GRM7: variants seen among roughly 807,000 people sequenced by gnomAD.
GRM7 encodes the protein metabotropic glutamate receptor 7.
Under a neutral mutation model 84.5 loss-of-function variants are expected in GRM7, and 35 were observed. The observed-to-expected ratio is 0.41, with a 90% CI of 0.32 to 0.55. GRM7 has a LOEUF of 0.55. Among genes scored for constraint, GRM7 ranks in the 20% least tolerant of loss-of-function variants. GRM7 has a pLI of 0.19. For synonymous variants in GRM7, 487 were observed against 455.1 expected (o/e 1.07, Z -0.89); for missense variants, 1,003 against 1,194.6 (o/e 0.84, Z 2.36).
chr3:7,402,186 G>A (rs958182812), intron 4 of GRM7, among the ~76,000 whole-genome samples: 2 of 152,154 alleles, frequency 1.3e-5, no homozygotes, highest in African/African-American at 4.8e-5. Context: ...TGGTTGACAG[G>A]AATTGGTTAT....
At chr3:7,161,520 G>A (rs1217886475) in intron 2 of GRM7, among the ~76,000 whole-genome samples, 1 of 151,258 alleles carries the variant, frequency 6.6e-6, no homozygotes, top group Non-Finnish European at 1.5e-5. Context: ...TCCTTCCTTA[G>A]AAGGCTTTTT....
chr3:7,568,927 C>T (rs1379322121), intron 7 of GRM7, among the ~76,000 whole-genome samples: 10 of 152,148 alleles, frequency 6.6e-5, no homozygotes, highest in Non-Finnish European at 1.5e-4. Context: ...GCGCCGCCCC[C>T]TGCTCCACCG....
chr3:7,437,991 A>G (rs1245103227), intron 5 of GRM7, among the ~76,000 whole-genome samples: 2 of 152,156 alleles, frequency 1.3e-5, no homozygotes, highest in African/African-American at 2.4e-5. Flanking sequence ...GTCACAGAAC[A>G]TTAAATATAA....
At chr3:7,210,224 C>T (rs1302257304) in intron 2 of GRM7, among the ~76,000 whole-genome samples, 2 of 152,148 alleles carry the variant, frequency 1.3e-5, no homozygotes, top group Non-Finnish European at 2.9e-5. Flanking sequence ...ATTTGTTGCA[C>T]AAAGCTGGCA....
intron 1 of GRM7, among the ~76,000 whole-genome samples, chr3:7,015,004 G>A (rs1198880123): frequency 6.6e-6 from 1 of 152,116 alleles, no homozygotes; most frequent in Non-Finnish European, 1.5e-5. Flanking sequence ...TGTGTAAAAT[G>A]GACCAATCAG....
At chr3:7,342,463 T>G (rs1692687378) in intron 4 of GRM7, among the ~76,000 whole-genome samples, 1 of 152,150 alleles carries the variant, frequency 6.6e-6, no homozygotes, top group African/African-American at 2.4e-5. Flanking sequence ...TAGATTTGGC[T>G]TCAGAGTTCC....
chr3:6,982,521 A>T (rs1251442724), intron 1 of GRM7, among the ~76,000 whole-genome samples: 1 of 152,184 alleles, frequency 6.6e-6, no homozygotes, highest in African/African-American at 2.4e-5. Flanking sequence ...AGTTGCCTTT[A>T]AAGCATACAG....
chr3:7,392,157 T>C lies in GRM7; in HGVS notation c.1034-22866T>C, dbSNP rs150176107. On this transcript the variant is annotated intron_variant, in intron 4 of 9. Coordinates refer to ENST00000357716, the MANE Select transcript of GRM7 (RefSeq NM_000844.4). ...AAGTGGACTGTGCTTCCCTTCTGCC[T>C]CTCAGACCTGGTGGGCACTGTCCCC... Among the ~76,000 whole-genome samples the C allele has an allele frequency of 8.5e-4, 129 of 152,226 alleles. 1 individual carries two copies. Among genetic ancestry groups the C allele is most frequent in the African/African-American group, 3.0e-3 (125 of 41,540 alleles).
At chr3:7,373,176 C>G (rs1198513180) in intron 4 of GRM7, among the ~76,000 whole-genome samples, 3 of 152,078 alleles carry the variant, frequency 2.0e-5, no homozygotes, top group Admixed American at 2.0e-4. Context: ...TTTGTGGTAC[C>G]TTATCTTGGT....
intron 7 of GRM7, among the ~76,000 whole-genome samples, chr3:7,537,107 A>G (rs1221359432): frequency 6.6e-6 from 1 of 152,096 alleles, no homozygotes; most frequent in Non-Finnish European, 1.5e-5. Flanking sequence ...GCTGCAGGTG[A>G]TGTCTGGAGG....
At chr3:7,379,427 C>A (rs987640966) in intron 4 of GRM7, among the ~76,000 whole-genome samples, 9 of 152,132 alleles carry the variant, frequency 5.9e-5, no homozygotes, top group African/African-American at 2.2e-4. Context: ...ATCATAACCA[C>A]CTCTAAAGAT....
chr3:6,970,594 C>G (rs552980636), intron 1 of GRM7, among the ~76,000 whole-genome samples: 1 of 152,136 alleles, frequency 6.6e-6, no homozygotes, highest in Admixed American at 6.6e-5. Flanking sequence ...TTGAGCGTAG[C>G]TGGACGTTAT....
At chr3:7,354,630 A>G (rs940118633) in intron 4 of GRM7, among the ~76,000 whole-genome samples, 1 of 152,170 alleles carries the variant, frequency 6.6e-6, no homozygotes, top group Non-Finnish European at 1.5e-5. Context: ...GGTGATTCCC[A>G]CATCCCCATT....
chr3:7,247,522 C>G (rs558106522), intron 2 of GRM7, among the ~76,000 whole-genome samples: 2 of 150,282 alleles, frequency 1.3e-5, no homozygotes, highest in East Asian at 3.9e-4. Context: ...TAACTTGAGC[C>G]CAGGAGTTTA....
At chr3:7,593,962 T>G (rs957863097) in intron 8 of GRM7, among the ~76,000 whole-genome samples, 1 of 151,682 alleles carries the variant, frequency 6.6e-6, no homozygotes, top group Non-Finnish European at 1.5e-5. Context: ...AAAAAAACAC[T>G]GAAAGTGATT....
chr3:7,111,077 T>G (rs1158747739), intron 1 of GRM7, among the ~76,000 whole-genome samples: 1 of 152,054 alleles, frequency 6.6e-6, no homozygotes, highest in African/African-American at 2.4e-5. Context: ...AGAAATTGAC[T>G]GATGTGGGGT....
intron 8 of GRM7, chr3:7,591,537 G>C: frequency 2.4e-6 from 1 of 415,302 alleles, no homozygotes; most frequent in South Asian, 1.8e-5. Context: ...AGGATTTTTG[G>C]AAAGGGGAGA....
At chr3:7,284,634 G>A (rs1174750360) in intron 2 of GRM7, among the ~76,000 whole-genome samples, 5 of 152,046 alleles carry the variant, frequency 3.3e-5, no homozygotes, top group Non-Finnish European at 7.4e-5. Flanking sequence ...TGTTTATCAT[G>A]AGGGAGTTAA....
At chr3:7,139,725 T>C (rs1311506441) in intron 1 of GRM7, among the ~76,000 whole-genome samples, 1 of 151,952 alleles carries the variant, frequency 6.6e-6, no homozygotes, top group Non-Finnish European at 1.5e-5. Context: ...CAGCAGAGGT[T>C]TAGAAAAGAA....
Sources: gnomAD v4.1 joint callset for allele counts (sites outside exome capture counted in the v4.1 genomes callset) on GRCh38, gnomAD v4.1.1 for gene constraint, MANE v1.5 for transcripts, NCBI Gene and HGNC (gene_info 2026-07-23, HGNC 2026-07-21) for gene names.